The following NBPF11 variants were observed in gnomAD, a reference collection of about 807,000 sequenced individuals.
The protein encoded by NBPF11 is NBPF family member NBPF11.
NBPF11 carries 72 observed loss-of-function variants against 93.9 expected under a neutral mutation model. The ratio of observed to expected loss-of-function variants is 0.77; its 90% confidence interval spans 0.63 to 0.93. The LOEUF is 0.93. NBPF11 is among the 40% of genes least tolerant of loss of function. NBPF11 has a pLI of 0.00. For synonymous variants in NBPF11, 224 were observed against 304.9 expected, an observed-to-expected ratio of 0.73 and a Z score of 2.76; for missense variants, 705 against 802.2, an observed-to-expected ratio of 0.88 and a Z score of 1.46.
At chr1:148,121,393 G>T (rs1411468096) in intron 9 of NBPF11, among the ~76,000 whole-genome samples, 3 of 143,874 alleles carry the variant, frequency 2.1e-5, no homozygotes, top group Non-Finnish European at 4.5e-5. Flanking sequence ...TGTCTCCCAG[G>T]CTGGAGTGCA....
intron 1 of NBPF11, chr1:148,146,428 C>A: frequency 6.2e-7 from 1 of 1,603,928 alleles, no homozygotes. Context: ...GCTCTGCTGC[C>A]TCTTCTGCTG....
rs1263335225 is a variant in NBPF11, at chr1:148,135,828, C to G, written c.-177-15G>C. ...ATCTTCAAGGGCTACCAAGAAGAAA[C>G]AAATAATTTATTTACCTCCCCAGAG... is the stretch of plus-strand genomic sequence containing the variant. On this transcript the variant is annotated splice_polypyrimidine_tract_variant and intron_variant, in intron 3 of 23. Transcript: ENST00000682118. 1.5e-6 allele frequency: 1 copy of G among 676,096 alleles called. No homozygotes were observed. The highest frequency in any genetic ancestry group is 2.2e-5 in the Admixed American group (1 of 44,652). 41.9% of individuals were successfully genotyped at this position (676,096 alleles called of 1,614,324 possible). A position where few individuals can be genotyped will look rare whatever the true frequency, so the allele number is the denominator to read the frequency against.
At chr1:148,144,777 A>C (rs1672735492) in intron 1 of NBPF11, among the ~76,000 whole-genome samples, 1 of 151,932 alleles carries the variant, frequency 6.6e-6, no homozygotes, top group South Asian at 2.1e-4. Flanking sequence ...GTTTGAAACT[A>C]GTCTGGGCAC....
Position 148,103,866 on chromosome 1 carries a change from C to A in NBPF11, c.*30G>T. 6.2e-7 allele frequency: 1 copy of A among 1,611,254 alleles called. No individual in the cohort carries two copies. The highest frequency in any genetic ancestry group is 8.5e-7 in the Non-Finnish European group (1 of 1,179,348). On this transcript the variant is annotated 3_prime_UTR_variant, in exon 24 of 24. Coordinates refer to ENST00000682118, the MANE Select transcript of NBPF11 (RefSeq NM_001385469.3). ...GTCGAATAATATCTATCCAGTGAGT[C>A]CTGTAAGACTTCAGGCACTTCCACT...
chr1:148,122,253 C>G lies in NBPF11; in HGVS notation c.580G>C (p.Ala194Pro), dbSNP rs1274617853. 4 of 1,609,916 alleles carry G rather than the reference C, an allele frequency of 2.5e-6. No homozygotes were observed. Among genetic ancestry groups the G allele is most frequent in the South Asian group, 1.1e-5 (1 of 90,932 alleles). ...ESSAPREVQK[A>P]EESKVPEDSL... The stretch of plus-strand genomic sequence containing the variant: ...TCCTCAGGGACTTTGCTCTCTTCAG[C>G]CTTCTGCACCTCCCTGATGAGCCAG... The change falls in exon 9 of 24, where the codon GCT becomes CCT. Residue 194 changes from alanine (A) to proline (P), a missense_variant. Physicochemically the swap from Ala to Pro is conservative, Grantham distance 27. This residue lies in a region of NBPF11 where 262 missense variants were observed against 223.1 expected (regional missense o/e 1.17). Coordinates refer to ENST00000682118, the MANE Select transcript of NBPF11 (RefSeq NM_001385469.3).
At chr1:148,146,460 C>G in intron 1 of NBPF11, 2 of 1,604,568 alleles carry the variant, frequency 1.2e-6, no homozygotes, top group Non-Finnish European at 1.7e-6. Flanking sequence ...CCGGCCGCAT[C>G]GCTGCCAAGC....
At chr1:148,131,051 T>A (rs1226082724) in intron 4 of NBPF11, among the ~76,000 whole-genome samples, 1 of 151,430 alleles carries the variant, frequency 6.6e-6, no homozygotes, top group African/African-American at 2.4e-5. Context: ...TGGGCTATTA[T>A]GAAGAAACTA....
At position 148,122,617 on chromosome 1, in the gene NBPF11, G is replaced by A. The variant is rs1281045772; in HGVS notation, c.566+112C>T. 10 of 1,474,200 alleles carry A rather than the reference G, an allele frequency of 6.8e-6. No individual in the cohort carries two copies. The African/African-American group carries it at 1.4e-4, about 21-fold the overall frequency. The allele number at this position is 1,474,200 out of a possible 1,614,324, so 91.3% of individuals were successfully genotyped here. ...TAAGCTGGGTTGAATTTCACATACT[G>A]TGGCCAAGGGAATGCGGGCTTTTGG... On this transcript the variant is annotated intron_variant, in intron 8 of 23. Coordinates refer to ENST00000682118, the MANE Select transcript of NBPF11 (RefSeq NM_001385469.3).
chr1:148,142,310 T>C (rs1247853843), intron 2 of NBPF11, among the ~76,000 whole-genome samples: 1 of 151,966 alleles, frequency 6.6e-6, no homozygotes, highest in African/African-American at 2.4e-5. Flanking sequence ...CTATATACTG[T>C]TTCCATGGGG....
chr1:148,149,489 G>A (rs1337112675), intron 1 of NBPF11: 3 of 1,592,480 alleles, frequency 1.9e-6, no homozygotes, highest in Admixed American at 1.7e-5. Flanking sequence ...CGGGCACAAC[G>A]ACATCGAGCT....
At position 148,124,118 on chromosome 1, in the gene NBPF11, C is replaced by T. The variant is rs1178694898; in HGVS notation, c.279-51G>A. 883 of 1,605,324 alleles carry T rather than the reference C, an allele frequency of 5.5e-4. 3 individuals are homozygous for T. Among genetic ancestry groups the T allele is most frequent in the Non-Finnish European group, 7.0e-4 (824 of 1,174,466 alleles). ...TAACAGTGAAAAGCATTGAGTGATC[C>T]GTTCAAATATTGCAACAGAGATTTC... On this transcript the variant is annotated intron_variant, in intron 6 of 23. Transcript: ENST00000682118.
Position 148,143,561 on chromosome 1 carries a change from G to T in NBPF11, c.-423C>A, listed in dbSNP as rs1253595039. On this transcript the variant is annotated 5_prime_UTR_variant, in exon 2 of 24. Coordinates refer to ENST00000682118, the MANE Select transcript of NBPF11 (RefSeq NM_001385469.3). ...AGTTGGTGGCACCCCCAGTGTGGAG[G>T]CCAAGAGCACACAGCACTGAAGCTC... 4.0e-6 allele frequency: 1 copy of T among 251,448 alleles called. No individual in the cohort carries two copies. The highest frequency in any genetic ancestry group is 7.8e-6 in the Non-Finnish European group (1 of 128,204). 15.6% of individuals were successfully genotyped at this position (251,448 alleles called of 1,614,324 possible). A position where few individuals can be genotyped will look rare whatever the true frequency, so the allele number is the denominator to read the frequency against.
At chr1:148,129,013 G>A (rs1259507571) in intron 4 of NBPF11, among the ~76,000 whole-genome samples, 1 of 148,458 alleles carries the variant, frequency 6.7e-6, no homozygotes, top group East Asian at 1.9e-4. Flanking sequence ...GTGAGGGCTG[G>A]GGGAGGGATA....
chr1:148,149,211 C>T (rs1382092675), intron 1 of NBPF11: 6 of 1,547,822 alleles, frequency 3.9e-6, no homozygotes, highest in East Asian at 2.3e-5. Context: ...AGCATCGGCA[C>T]GGTGCCCACC....
chr1:148,103,860 G>A lies in NBPF11; in HGVS notation c.*36C>T. ...GATGGAGTCGAATAATATCTATCCA[G>A]TGAGTCCTGTAAGACTTCAGGCACT... On this transcript the variant is annotated 3_prime_UTR_variant, in exon 24 of 24. Coordinates refer to ENST00000682118, the MANE Select transcript of NBPF11 (RefSeq NM_001385469.3). 2 of 1,611,362 alleles carry A rather than the reference G, an allele frequency of 1.2e-6. No individual in the cohort carries two copies. The highest frequency in any genetic ancestry group is 1.7e-6 in the Non-Finnish European group (2 of 1,179,392).
rs1168915644 is a variant in NBPF11 at position 148,108,096 on chromosome 1, C to G, written c.2027-334G>C. ...AGGAGAAAAACTGCACTATTCAGCC[C>G]TGTCTCATCAAATACTCAGATTGTT... On this transcript the variant is annotated intron_variant, in intron 18 of 23. Coordinates refer to ENST00000682118, the MANE Select transcript of NBPF11 (RefSeq NM_001385469.3). 2.0e-5 allele frequency among the ~76,000 whole-genome samples: 3 copies of G among 149,702 alleles called. No individual in the cohort carries two copies. The Admixed American group carries it at 2.0e-4, about 10-fold the overall frequency.
chr1:148,143,080 G>A (rs1672457162), intron 2 of NBPF11, among the ~76,000 whole-genome samples: 1 of 148,156 alleles, frequency 6.7e-6, no homozygotes, highest in African/African-American at 2.5e-5. Flanking sequence ...ACAGCAGGGT[G>A]GAAACAGAGA....
intron 1 of NBPF11, among the ~76,000 whole-genome samples, chr1:148,147,109 G>A (rs1469194045): frequency 3.3e-5 from 5 of 152,172 alleles, no homozygotes; most frequent in African/African-American, 1.2e-4. Flanking sequence ...ACATGGCTGA[G>A]GTGTGGCCAG....
Position 148,115,941 on chromosome 1 carries a change from G to A in NBPF11, c.1437C>T (p.Ala479=). 6.3e-7 allele frequency: 1 copy of A among 1,587,190 alleles called. No individual in the cohort carries two copies. The highest frequency in any genetic ancestry group is 8.6e-7 in the Non-Finnish European group (1 of 1,164,332). The change falls in exon 14 of 24, where the codon GCC becomes GCT. Residue 479 remains alanine, a synonymous_variant. Coordinates refer to ENST00000682118, the MANE Select transcript of NBPF11 (RefSeq NM_001385469.3). The part of the protein sequence containing the change: ...EVPEDSLEEC[A]ITCSNSHGPY... ...GGCCATGGCTATTTGAACAAGTGAT[G>A]GCACACTCCTCCAGTGAGTCCTCAG...
Sources: gnomAD v4.1 joint callset for allele counts (sites outside exome capture counted in the v4.1 genomes callset) on GRCh38, gnomAD v4.1.1 for gene constraint, gnomAD v4.1.1 regional missense constraint, MANE v1.5 for transcripts, NCBI Gene and HGNC (gene_info 2026-07-23, HGNC 2026-07-21) for gene names.